OPCML: variants seen among roughly 807,000 people sequenced by gnomAD.
OPCML encodes opioid binding protein/cell adhesion molecule like, also known as opioid-binding protein/cell adhesion molecule.
In OPCML, 13 loss-of-function variants were observed where a neutral mutation model predicts 37.8. The ratio of observed to expected loss-of-function variants is 0.34; its 90% CI spans 0.22 to 0.55. OPCML has a LOEUF of 0.55. OPCML is among the 20% of genes least tolerant of loss of function. OPCML has a pLI of 0.91. For missense variants in OPCML, 341 were observed against 435.6 expected (o/e 0.78, Z 1.93); for synonymous variants, 176 against 168.8 (o/e 1.04, Z -0.33).
chr11:132,538,023 A>G (rs1346434164), intron 3 of OPCML, among the ~76,000 whole-genome samples: 2 of 152,222 alleles, frequency 1.3e-5, no homozygotes, highest in Non-Finnish European at 2.9e-5. Flanking sequence ...AAGGCTAAAT[A>G]TAAAGTATCC....
intron 1 of OPCML, among the ~76,000 whole-genome samples, chr11:133,125,600 G>A (rs1949488756): frequency 1.4e-5 from 2 of 144,794 alleles, no homozygotes; most frequent in South Asian, 4.3e-4. Context: ...TATATAGTGT[G>A]TATATATACA....
intron 1 of OPCML, among the ~76,000 whole-genome samples, chr11:133,079,733 C>A (rs892176206): frequency 1.3e-4 from 20 of 151,870 alleles, no homozygotes; most frequent in African/African-American, 4.8e-4. Context: ...AATTCACCAC[C>A]CCCTCCACTT....
At chr11:132,506,737 T>C (rs1263852361) in intron 4 of OPCML, among the ~76,000 whole-genome samples, 5 of 152,008 alleles carry the variant, frequency 3.3e-5, no homozygotes, top group Non-Finnish European at 7.4e-5. Flanking sequence ...AAATCAAATA[T>C]TTATTTCAAA....
intron 1 of OPCML, among the ~76,000 whole-genome samples, chr11:133,344,592 G>A (rs1214922542): frequency 1.3e-5 from 2 of 152,012 alleles, no homozygotes; most frequent in South Asian, 2.1e-4. Flanking sequence ...GCTGGCCATG[G>A]CTCCTGCACC....
chr11:132,637,786 A>G (rs1940600933), intron 3 of OPCML, among the ~76,000 whole-genome samples: 2 of 152,112 alleles, frequency 1.3e-5, no homozygotes, highest in Non-Finnish European at 2.9e-5. Flanking sequence ...TCCATATGGA[A>G]CTTTCTTGTG....
intron 2 of OPCML, among the ~76,000 whole-genome samples, chr11:132,703,947 C>T (rs1040238470): frequency 3.9e-5 from 6 of 152,116 alleles, no homozygotes; most frequent in South Asian, 2.1e-4. Context: ...CTGGGGTCCA[C>T]GGAAGTAGAC....
chr11:132,990,246 T>C (rs1946751916), intron 1 of OPCML, among the ~76,000 whole-genome samples: 1 of 152,202 alleles, frequency 6.6e-6, no homozygotes, highest in South Asian at 2.1e-4. Context: ...GAGTCCTTTG[T>C]GTGCACAGAA....
intron 1 of OPCML, among the ~76,000 whole-genome samples, chr11:133,373,080 A>G (rs75522127): frequency 6.6e-6 from 1 of 152,198 alleles, no homozygotes; most frequent in East Asian, 1.9e-4. Context: ...AAATTAATAC[A>G]GTGCAATATA....
At chr11:133,522,614 C>T (rs566725130) in intron 1 of OPCML, among the ~76,000 whole-genome samples, 1 of 152,260 alleles carries the variant, frequency 6.6e-6, no homozygotes, top group Admixed American at 6.5e-5. Flanking sequence ...GTTATAGGTC[C>T]GTTTTCCAGC....
rs1031604770 is a variant in OPCML, at chr11:132,435,232, A to G, written c.916+854T>C. 5 of 1,289,592 alleles carry G rather than the reference A, an allele frequency of 3.9e-6. No individual in the cohort carries two copies. In the African/African-American group the frequency reaches 7.6e-5, roughly 20 times the overall value. The allele number at this position is 1,289,592 out of a possible 1,614,324, so 79.9% of individuals were successfully genotyped here. The stretch of plus-strand genomic sequence containing the variant: ...GCACACACAATGCAGAGAGAAAACA[A>G]AAGACATAGATCACACATTTCAGAT... On this transcript the variant is annotated intron_variant, in intron 7 of 7. Coordinates refer to ENST00000524381, the MANE Select transcript of OPCML (RefSeq NM_001012393.5).
At chr11:132,673,773 G>A (rs189353191) in intron 2 of OPCML, among the ~76,000 whole-genome samples, 15 of 152,168 alleles carry the variant, frequency 9.9e-5, no homozygotes, top group African/African-American at 3.6e-4. Context: ...ATGATGACTT[G>A]TCAAAACAGC....
intron 3 of OPCML, among the ~76,000 whole-genome samples, chr11:132,588,385 G>A (rs1020631462): frequency 6.6e-6 from 1 of 152,148 alleles, no homozygotes; most frequent in Admixed American, 6.5e-5. Context: ...CTGAGATGGG[G>A]GGAGTCTAGA....
At chr11:132,930,539 C>A (rs1479394120) in intron 2 of OPCML, among the ~76,000 whole-genome samples, 1 of 151,716 alleles carries the variant, frequency 6.6e-6, no homozygotes, top group East Asian at 1.9e-4. Context: ...CAAAAATCAA[C>A]AAAAAAATCA....
intron 2 of OPCML, among the ~76,000 whole-genome samples, chr11:132,710,742 C>G (rs1944229559): frequency 6.6e-6 from 1 of 151,342 alleles, no homozygotes; most frequent in Non-Finnish European, 1.5e-5. Flanking sequence ...GTAGTTCCAG[C>G]TACTCAGGAG....
At chr11:133,438,965 C>A (rs1946301194) in intron 1 of OPCML, among the ~76,000 whole-genome samples, 1 of 152,176 alleles carries the variant, frequency 6.6e-6, no homozygotes, top group Non-Finnish European at 1.5e-5. Flanking sequence ...ACACACCACA[C>A]CCCATGCCTT....
At chr11:132,983,497 A>G (rs1026094529) in intron 1 of OPCML, among the ~76,000 whole-genome samples, 1 of 152,188 alleles carries the variant, frequency 6.6e-6, no homozygotes, top group African/African-American at 2.4e-5. Flanking sequence ...CACCCAGAGC[A>G]CTGCATGCAT....
chr11:133,527,860 G>A (rs1415256528), intron 1 of OPCML, among the ~76,000 whole-genome samples: 1 of 152,156 alleles, frequency 6.6e-6, no homozygotes, highest in African/African-American at 2.4e-5. Flanking sequence ...CATACTTAGA[G>A]GTTTGGGTGG....
rs1939206029 is a variant in OPCML, at chr11:133,208,486, A to G, written c.62-265476T>C. ...TTGATCTCTCAATTTTTGCATGAAT[A>G]GATTTGGATAATAAAGTGCAATGAA... On this transcript the variant is annotated intron_variant, in intron 1 of 7. Transcript: ENST00000524381. The surrounding 1 kb of genome is among the most constrained non-coding windows in gnomAD (Gnocchi z 8.9). 6.6e-6 allele frequency among the ~76,000 whole-genome samples: 1 copy of G among 152,198 alleles called. No individual in the cohort carries two copies. The highest frequency in any genetic ancestry group is 2.4e-5 in the African/African-American group (1 of 41,450).
At chr11:133,086,695 A>T (rs1224301653) in intron 1 of OPCML, among the ~76,000 whole-genome samples, 1 of 152,172 alleles carries the variant, frequency 6.6e-6, no homozygotes, top group Non-Finnish European at 1.5e-5. Flanking sequence ...GAAGCTGCTC[A>T]TATTGGAACT....
Sources: gnomAD v4.1 joint callset for allele counts (sites outside exome capture counted in the v4.1 genomes callset) on GRCh38, gnomAD v4.1.1 for gene constraint, Gnocchi (gnomAD v3.1) non-coding constraint, MANE v1.5 for transcripts, NCBI Gene and HGNC (gene_info 2026-07-23, HGNC 2026-07-21) for gene names.